Variants in CSMD1 observed in about 807,000 individuals in gnomAD.
CSMD1 encodes the protein CUB and Sushi multiple domains 1, also known as CUB and sushi domain-containing protein 1.
CSMD1 carries 213 observed loss-of-function variants against 417.5 expected under a neutral mutation model. The observed-to-expected ratio is 0.51, with a 90% CI of 0.46 to 0.57. The LOEUF is 0.57. Among genes scored for constraint, CSMD1 ranks in the 20% least tolerant of loss-of-function variants. The probability of loss-of-function intolerance (pLI) is 0.00; values close to 1 mark genes in which losing one functional copy is unlikely to be tolerated. For missense variants in CSMD1, 6,923 were observed against 4,529.7 expected (o/e 1.53, Z -15.17); for synonymous variants, 2,862 against 1,736.8 (o/e 1.65, Z -16.11).
chr8:3,121,142 C>T (rs1368343209), intron 41 of CSMD1, among the ~76,000 whole-genome samples: 1 of 151,934 alleles, frequency 6.6e-6, no homozygotes, highest in Non-Finnish European at 1.5e-5. Context: ...AATGTCATAT[C>T]TTTCAATAGT....
intron 2 of CSMD1, among the ~76,000 whole-genome samples, chr8:4,444,554 G>T (rs1012529200): frequency 1.3e-5 from 2 of 151,882 alleles, no homozygotes; most frequent in Non-Finnish European, 2.9e-5. Context: ...TCTTTTAGGG[G>T]TTTTCTAAGA....
intron 1 of CSMD1, among the ~76,000 whole-genome samples, chr8:4,808,626 A>T (rs1308504794): frequency 6.6e-6 from 1 of 152,228 alleles, no homozygotes; most frequent in Non-Finnish European, 1.5e-5. Context: ...AATAGAACAC[A>T]GCCAGCAATC....
intron 1 of CSMD1, among the ~76,000 whole-genome samples, chr8:4,881,933 A>T (rs1444780325): frequency 6.6e-6 from 1 of 152,044 alleles, no homozygotes; most frequent in Non-Finnish European, 1.5e-5. Context: ...TTCTTCTTGC[A>T]GGGAGAATCA....
intron 1 of CSMD1, among the ~76,000 whole-genome samples, chr8:4,825,549 T>A (rs1412731789): frequency 6.6e-6 from 1 of 151,638 alleles, no homozygotes; most frequent in Non-Finnish European, 1.5e-5. Flanking sequence ...TCTGCTTATA[T>A]GTGTGTGGCT....
At chr8:4,023,750 CTAA>C (rs1796911148) in intron 4 of CSMD1, among the ~76,000 whole-genome samples, 1 of 121,366 alleles carries the variant, frequency 8.2e-6, no homozygotes, top group Admixed American at 9.7e-5. Flanking sequence ...CTACGCTCGG[CTAA>C]TTTTTTTTTT....
At chr8:3,531,981 C>T (rs1798001191) in intron 10 of CSMD1, among the ~76,000 whole-genome samples, 1 of 152,170 alleles carries the variant, frequency 6.6e-6, no homozygotes. Context: ...AATGGGGGAT[C>T]CCACAGATTC....
intron 49 of CSMD1, among the ~76,000 whole-genome samples, chr8:3,083,616 A>T (rs1332658511): frequency 2.5e-4 from 3 of 11,984 alleles, no homozygotes; most frequent in African/African-American, 3.9e-4. Context: ...ATTTTTATAT[A>T]TATATATATA....
chr8:3,275,505 A>T (rs1007575375), intron 26 of CSMD1, among the ~76,000 whole-genome samples: 23 of 152,120 alleles, frequency 1.5e-4, no homozygotes, highest in Non-Finnish European at 2.4e-4. Flanking sequence ...GTTCTCCTGG[A>T]TAATATCCTG....
intron 3 of CSMD1, among the ~76,000 whole-genome samples, chr8:4,274,003 A>AT (rs1191254960): frequency 6.6e-6 from 1 of 152,068 alleles, no homozygotes; most frequent in African/African-American, 2.4e-5. Context: ...AACCGCATGC[A>AT]TTTTTTCAGC....
At chr8:3,012,704 T>C (rs1469788134) in intron 52 of CSMD1, among the ~76,000 whole-genome samples, 7 of 152,202 alleles carry the variant, frequency 4.6e-5, no homozygotes, top group Non-Finnish European at 7.3e-5. Context: ...GTTGTCTTGT[T>C]TGGAAGATCC....
intron 7 of CSMD1, chr8:3,702,289 A>C (rs1800914614): frequency 1.3e-5 from 2 of 152,216 alleles, no homozygotes; most frequent in South Asian, 4.1e-4. Context: ...AGCTACAACA[A>C]ATCAATATCG....
intron 8 of CSMD1, among the ~76,000 whole-genome samples, chr8:3,599,153 G>C (rs200530245): frequency 0.12 from 17,469 of 141,970 alleles, 1,758 homozygotes; most frequent in African/African-American, 0.28. Context: ...GTGTGTGTCT[G>C]TGTGTGTGTC....
intron 2 of CSMD1, among the ~76,000 whole-genome samples, chr8:4,530,888 C>G (rs1409342405): frequency 1.3e-5 from 2 of 151,932 alleles, no homozygotes; most frequent in African/African-American, 4.8e-5. Flanking sequence ...CCTCATTCAT[C>G]CCATTATACC....
chr8:4,181,972 G>GTGTGTGTA (rs1798403277), intron 3 of CSMD1, among the ~76,000 whole-genome samples: 3 of 149,542 alleles, frequency 2.0e-5, no homozygotes, highest in African/African-American at 4.9e-5. Flanking sequence ...GTGTGTGTGT[G>GTGTGTGTA]TGATGTGTGT....
At chr8:3,806,453 A>C (rs1585027115) in intron 5 of CSMD1, among the ~76,000 whole-genome samples, 1 of 152,210 alleles carries the variant, frequency 6.6e-6, no homozygotes, top group Admixed American at 6.5e-5. Flanking sequence ...AATGAAGGCA[A>C]TTTGAAGCTA....
chr8:2,949,279 A>G lies in CSMD1; in HGVS notation c.10402+20T>C, dbSNP rs762073942. 5 of 1,390,100 alleles carry G rather than the reference A, an allele frequency of 3.6e-6. No homozygotes were observed. The South Asian group carries it at 4.7e-5, about 13-fold the overall frequency. The allele number at this position is 1,390,100 out of a possible 1,614,324, so 86.1% of individuals were successfully genotyped here. A position where few individuals can be genotyped will look rare whatever the true frequency, so the allele number is the denominator to read the frequency against. On this transcript the variant is annotated intron_variant, in intron 68 of 69. Coordinates refer to ENST00000635120, the MANE Select transcript of CSMD1 (RefSeq NM_033225.6). ...GCCAAACTGATATTTGCTTTAAAAT[A>G]TATCCTAAGTGCAACTTACCTTGCC...
chr8:4,799,598 C>CAAAAAAAAAAAAAA (rs1168273531), intron 1 of CSMD1, among the ~76,000 whole-genome samples: 11 of 47,152 alleles, frequency 2.3e-4, no homozygotes, highest in Admixed American at 7.9e-4. Flanking sequence ...GACTCCGTCT[C>CAAAAAAAAAAAAAA]AAAAAAAAAA....
chr8:3,755,613 G>A (rs1430934468), intron 5 of CSMD1, among the ~76,000 whole-genome samples: 1 of 152,110 alleles, frequency 6.6e-6, no homozygotes, highest in Admixed American at 6.5e-5. Context: ...TGGGTCACCT[G>A]TGTAGAGAGC....
At chr8:4,597,340 G>C (rs1000673758) in intron 2 of CSMD1, among the ~76,000 whole-genome samples, 1 of 152,110 alleles carries the variant, frequency 6.6e-6, no homozygotes, top group Non-Finnish European at 1.5e-5. Flanking sequence ...AAGCAGGAGA[G>C]ATGGCACTCT....
Sources: gnomAD v4.1 joint callset for allele counts (sites outside exome capture counted in the v4.1 genomes callset) on GRCh38, gnomAD v4.1.1 for gene constraint, MANE v1.5 for transcripts, NCBI Gene and HGNC (gene_info 2026-07-23, HGNC 2026-07-21) for gene names.